The following TTLL5 variants were observed in gnomAD, a reference collection of about 807,000 sequenced individuals.
TTLL5 encodes tubulin polyglutamylase TTLL5.
Under a neutral mutation model 168.4 loss-of-function variants are expected in TTLL5, and 132 were observed. That is an observed-to-expected ratio of 0.78 (90% CI 0.68 to 0.91). The LOEUF is 0.91. TTLL5 is among the 40% of genes least tolerant of loss of function. TTLL5 has a pLI of 0.00. For missense variants in TTLL5, 1,545 were observed against 1,581.5 expected (o/e 0.98, Z 0.39); for synonymous variants, 546 against 558.6 (o/e 0.98, Z 0.32).
chr14:75,750,493 T>C (rs1373226588), intron 17 of TTLL5, among the ~76,000 whole-genome samples: 1 of 151,214 alleles, frequency 6.6e-6, no homozygotes, highest in Non-Finnish European at 1.5e-5. Context: ...CTCCTCCTTA[T>C]GATTTTCTTA....
intron 17 of TTLL5, among the ~76,000 whole-genome samples, chr14:75,746,556 T>C (rs1326234484): frequency 1.0e-5 from 1 of 97,282 alleles, no homozygotes; most frequent in Non-Finnish European, 1.8e-5. Flanking sequence ...TCTTTTCTTT[T>C]CTTTTTTTTT....
At chr14:75,888,520 A>G (rs2032229975) in intron 30 of TTLL5, among the ~76,000 whole-genome samples, 1 of 152,182 alleles carries the variant, frequency 6.6e-6, no homozygotes, top group African/African-American at 2.4e-5. Context: ...ATCCATCCAC[A>G]TCAGTTTCTC....
intron 10 of TTLL5, among the ~76,000 whole-genome samples, chr14:75,718,769 T>C (rs1234207848): frequency 6.6e-6 from 1 of 152,190 alleles, no homozygotes; most frequent in Non-Finnish European, 1.5e-5. Context: ...ATATTCTTTT[T>C]GCTCTGTTTT....
intron 9 of TTLL5, chr14:75,711,979 AG>A (rs1182984592): frequency 6.6e-6 from 1 of 152,436 alleles, no homozygotes; most frequent in Admixed American, 6.5e-5. Context: ...AACAAGGGGG[AG>A]AAAACCCTTT....
chr14:75,673,329 A>G (rs1772629986), intron 3 of TTLL5, among the ~76,000 whole-genome samples: 2 of 152,144 alleles, frequency 1.3e-5, no homozygotes, highest in African/African-American at 2.4e-5. Context: ...TATTTTATCA[A>G]TTTCACTTAT....
At chr14:75,825,625 T>C (rs1345963405) in intron 28 of TTLL5, among the ~76,000 whole-genome samples, 1 of 152,158 alleles carries the variant, frequency 6.6e-6, no homozygotes, top group Non-Finnish European at 1.5e-5. Context: ...TAAACAATGC[T>C]TTCCAGCCAA....
chr14:75,745,756 C>A lies in TTLL5; in HGVS notation c.1487+175C>A, dbSNP rs551646652. Reference sequence around the variant, plus strand: ...GATTATTGACAGTAATTTAATATACCTGTGTATTATTTCTCCCTTTTAATC... The same window carrying A: ...GATTATTGACAGTAATTTAATATACATGTGTATTATTTCTCCCTTTTAATC... On this transcript the variant is annotated intron_variant, in intron 17 of 31. Coordinates refer to ENST00000298832, the MANE Select transcript of TTLL5 (RefSeq NM_015072.5). Among the ~76,000 whole-genome samples the A allele has an allele frequency of 2.6e-5, 4 of 151,512 alleles. No individual in the cohort carries two copies. The East Asian group carries it at 7.8e-4, about 29-fold the overall frequency.
At chr14:75,924,643 T>C (rs2033948309) in intron 31 of TTLL5, among the ~76,000 whole-genome samples, 1 of 151,948 alleles carries the variant, frequency 6.6e-6, no homozygotes, top group African/African-American at 2.4e-5. Flanking sequence ...AAGAATTTTT[T>C]TTGGTACAGA....
intron 21 of TTLL5, among the ~76,000 whole-genome samples, chr14:75,772,877 A>G (rs1595011413): frequency 1.3e-5 from 2 of 151,960 alleles, no homozygotes; most frequent in Admixed American, 1.3e-4. Context: ...ATGTTGGTCA[A>G]GCTGGTCTCA....
chr14:75,846,774 G>A (rs1290960990), intron 28 of TTLL5, among the ~76,000 whole-genome samples: 1 of 120,964 alleles, frequency 8.3e-6, no homozygotes, highest in Admixed American at 1.0e-4. Flanking sequence ...TGGGCAACAA[G>A]AGTGAAACTC....
At position 75,805,729 on chromosome 14, in the gene TTLL5, G is replaced by T. The variant is rs77831390; in HGVS notation, c.3171+12629G>T. Among the ~76,000 whole-genome samples the T allele has an allele frequency of 8.3e-3, 1,269 of 152,192 alleles. 16 individuals carry two copies. The highest frequency in any genetic ancestry group is 0.029 in the African/African-American group (1,195 of 41,524). On this transcript the variant is annotated intron_variant, in intron 27 of 31. Coordinates refer to ENST00000298832, the MANE Select transcript of TTLL5 (RefSeq NM_015072.5). ...TCTTAAACATATTTAAAACTTATTTGCCTCTTTTTGTTCTTCTCTATATTA... is the reference window on the plus strand; with the variant it reads ...TCTTAAACATATTTAAAACTTATTTTCCTCTTTTTGTTCTTCTCTATATTA...
chr14:75,761,250 A>G (rs1890627853), intron 18 of TTLL5, among the ~76,000 whole-genome samples: 1 of 152,182 alleles, frequency 6.6e-6, no homozygotes, highest in African/African-American at 2.4e-5. Flanking sequence ...AGGATGTGGA[A>G]CTAACAGAAC....
chr14:75,674,202 T>C (rs552646989), intron 3 of TTLL5, among the ~76,000 whole-genome samples: 1 of 152,338 alleles, frequency 6.6e-6, no homozygotes, highest in Non-Finnish European at 1.5e-5. Flanking sequence ...ATTCTGTGTT[T>C]TTGAGTTTTC....
intron 3 of TTLL5, among the ~76,000 whole-genome samples, chr14:75,675,856 G>T (rs537555346): frequency 5.9e-5 from 9 of 152,258 alleles, no homozygotes; most frequent in African/African-American, 2.2e-4. Flanking sequence ...AGGGAGGAAT[G>T]AATGTTGTTA....
At chr14:75,929,749 G>A (rs993991130) in intron 31 of TTLL5, among the ~76,000 whole-genome samples, 4 of 152,030 alleles carry the variant, frequency 2.6e-5, no homozygotes, top group African/African-American at 9.7e-5. Context: ...CACTACGCCC[G>A]GCCAAAGATA....
At chr14:75,870,370 A>G (rs935130762) in intron 29 of TTLL5, among the ~76,000 whole-genome samples, 1 of 151,104 alleles carries the variant, frequency 6.6e-6, no homozygotes, top group Non-Finnish European at 1.5e-5. Flanking sequence ...TGCCTCCCTG[A>G]GAGCTGAGAT....
At chr14:75,669,053 G>A (rs111267251) in intron 2 of TTLL5, among the ~76,000 whole-genome samples, 3 of 152,306 alleles carry the variant, frequency 2.0e-5, no homozygotes, top group African/African-American at 7.2e-5. Flanking sequence ...GAGGAAGACA[G>A]GCTATCATCT....
intron 31 of TTLL5, among the ~76,000 whole-genome samples, chr14:75,936,448 G>A (rs1472265116): frequency 1.3e-5 from 2 of 151,992 alleles, no homozygotes; most frequent in South Asian, 2.1e-4. Context: ...CTTTCCATCC[G>A]TCTCTCTTCC....
chr14:75,768,925 C>T (rs1020608217), intron 20 of TTLL5, among the ~76,000 whole-genome samples: 5 of 152,078 alleles, frequency 3.3e-5, no homozygotes, highest in African/African-American at 7.2e-5. Flanking sequence ...ACCAACTGGC[C>T]GTGTGGTCAT....
Sources: allele counts gnomAD v4.1 joint callset (sites outside exome capture counted in the v4.1 genomes callset), GRCh38; gene constraint gnomAD v4.1.1; transcripts MANE v1.5; gene names NCBI Gene and HGNC (gene_info 2026-07-23, HGNC 2026-07-21).